NTRK1: variants seen among roughly 807,000 people sequenced by gnomAD.
The protein encoded by NTRK1 is high affinity nerve growth factor receptor.
NTRK1 carries 62 observed loss-of-function variants against 86.8 expected under a neutral mutation model. That is an observed-to-expected ratio of 0.71 (90% CI 0.58 to 0.88). The LOEUF (loss-of-function observed/expected upper bound fraction) is 0.88. NTRK1 is among the 40% of genes least tolerant of loss of function. The pLI is 0.00. For synonymous variants in NTRK1, 469 were observed against 456.6 expected (o/e 1.03, Z -0.35); for missense variants, 967 against 1,078.4 (o/e 0.90, Z 1.45).
At chr1:156,876,288 G>T (rs1647900566) in intron 13 of NTRK1, 78 bp downstream of exon 13, 3 of 1,611,060 alleles carry the variant, frequency 1.9e-6, no homozygotes, top group Non-Finnish European at 1.7e-6. Flanking sequence ...CAGAGTGGGG[G>T]GAGATGCAGA....
intron 2 of NTRK1, chr1:156,849,480 C>T (rs1229143147): frequency 1.2e-5 from 7 of 607,012 alleles, no homozygotes; most frequent in African/African-American, 2.4e-5. Flanking sequence ...GCCAGGGGAC[C>T]TTGCTCTGCG....
upstream of NTRK1, among the ~76,000 whole-genome samples, chr1:156,859,871 G>A (rs2102877073): frequency 6.6e-6 from 1 of 152,218 alleles, no homozygotes; most frequent in East Asian, 2.0e-4. The surrounding 1 kb of genome is among the most constrained non-coding windows in gnomAD (Gnocchi z 6.2). Context: ...GCTTGAGACG[G>A]ATGGGTTAGT....
At chr1:156,834,186 G>T (rs1654538726) in intron 1 of NTRK1, among the ~76,000 whole-genome samples, 1 of 152,180 alleles carries the variant, frequency 6.6e-6, no homozygotes, top group Non-Finnish European at 1.5e-5. Flanking sequence ...ATCAGAAAGG[G>T]CATCACGGGG....
chr1:156,867,299 A>G (rs1655983772), intron 4 of NTRK1, among the ~76,000 whole-genome samples: 1 of 152,170 alleles, frequency 6.6e-6, no homozygotes, highest in Admixed American at 6.5e-5. Context: ...GTGGGGCAGC[A>G]GGGGTCCATG....
At chr1:156,841,181 G>T in intron 1 of NTRK1, 1 of 1,177,822 alleles carries the variant, frequency 8.5e-7, no homozygotes, top group Non-Finnish European at 1.2e-6. Flanking sequence ...CTGAGGGTCA[G>T]TTGGTGGGAG....
At chr1:156,872,795 C>T (rs1255114874) in intron 7 of NTRK1, among the ~76,000 whole-genome samples, 2 of 151,728 alleles carry the variant, frequency 1.3e-5, no homozygotes, top group African/African-American at 4.8e-5. Flanking sequence ...CCTGCTTCAG[C>T]CTCCTGAGTA....
upstream of NTRK1, among the ~76,000 whole-genome samples, chr1:156,860,290 G>C (rs1655572067): frequency 1.3e-5 from 2 of 152,352 alleles, no homozygotes; most frequent in East Asian, 1.9e-4. Context: ...TGGAGGCGCG[G>C]TCTTGGCTCT....
At chr1:156,874,546 C>T (rs2102909769) in intron 9 of NTRK1, 25 bp from the exon 10 acceptor site, 1 of 1,613,426 alleles carries the variant, frequency 6.2e-7, no homozygotes. Context: ...TCAAGGCTCA[C>T]CCCTCCTGCC....
upstream of NTRK1, among the ~76,000 whole-genome samples, chr1:156,859,796 C>T (rs1043865441): frequency 2.0e-5 from 3 of 152,160 alleles, no homozygotes; most frequent in Non-Finnish European, 4.4e-5. The surrounding 1 kb of genome is among the most constrained non-coding windows in gnomAD (Gnocchi z 6.2). Flanking sequence ...TCGTCCTTCC[C>T]CCGCTCCCTG....
At position 156,880,320 on chromosome 1, in the gene NTRK1, T is replaced by G. The variant is rs2274500; in HGVS notation, c.2205+163T>G. 612,829 of 710,822 alleles carry G rather than the reference T, an allele frequency of 0.86. 270,536 individuals carry two copies. Among genetic ancestry groups the G allele is most frequent in the Non-Finnish European group, 0.93 (398,681 of 427,058 alleles). The allele number at this position is 710,822 out of a possible 1,614,324, so 44.0% of individuals were successfully genotyped here. ...ACTGTGTCCCCTCCACTGTGGCCCT[T>G]TTCTTCTCTTCCTCCCTTATTCTTG... On this transcript the variant is annotated intron_variant, in intron 16 of 16. Transcript: ENST00000524377.
At position 156,875,558 on chromosome 1, in the gene NTRK1, T is replaced by A. The variant is rs1291271254; in HGVS notation, c.1393T>A (p.Ser465Thr). The change falls in exon 12 of 17, where the codon TCC becomes ACC. Residue 465 changes from serine (S) to threonine (T), a missense_variant. Transcript: ENST00000524377. Reference protein sequence around the residue: ...VLAPEDGLAMSLHFMTLGGSS... With the variant: ...VLAPEDGLAMTLHFMTLGGSS... Reference sequence around the variant, plus strand: ...GGCTCCAGAGGATGGGCTGGCCATGTCCCTGCATTTCATGACATTGGGTGG... The same window carrying A: ...GGCTCCAGAGGATGGGCTGGCCATGACCCTGCATTTCATGACATTGGGTGG... 1 of 1,613,904 alleles carries A rather than the reference T, an allele frequency of 6.2e-7. No homozygotes were observed. Among genetic ancestry groups the A allele is most frequent in the East Asian group, 2.2e-5 (1 of 44,866 alleles).
At chr1:156,841,119 G>A (rs1469122574) in intron 1 of NTRK1, 27 of 1,549,688 alleles carry the variant, frequency 1.7e-5, no homozygotes, top group East Asian at 9.7e-5. Flanking sequence ...TGGGTGTGGG[G>A]AGCAGGGTCA....
At chr1:156,863,295 G>C (rs543630328) in intron 1 of NTRK1, among the ~76,000 whole-genome samples, 1 of 152,188 alleles carries the variant, frequency 6.6e-6, no homozygotes, top group Admixed American at 6.5e-5. Flanking sequence ...CTTCTTGCCT[G>C]TCACTATCTC....
At chr1:156,846,366 G>T (rs1655008360) in intron 2 of NTRK1, among the ~76,000 whole-genome samples, 1 of 152,140 alleles carries the variant, frequency 6.6e-6, no homozygotes, top group Admixed American at 6.5e-5. Context: ...CTAGGCAAAT[G>T]CTCCCCCTTC....
At chr1:156,855,657 TA>T (rs887944705) in intron 2 of NTRK1, among the ~76,000 whole-genome samples, 16 of 151,620 alleles carry the variant, frequency 1.1e-4, no homozygotes, top group African/African-American at 3.9e-4. Context: ...ACCCCACCTC[TA>T]AAAAAAATAT....
At chr1:156,829,440 G>A (rs1654407211) in intron 1 of NTRK1, among the ~76,000 whole-genome samples, 1 of 152,150 alleles carries the variant, frequency 6.6e-6, no homozygotes, top group Admixed American at 6.5e-5. Flanking sequence ...TGTCTGCACA[G>A]GTCCCTCCAG....
At chr1:156,846,652 C>T in intron 2 of NTRK1, 3 of 1,614,204 alleles carry the variant, frequency 1.9e-6, no homozygotes, top group Non-Finnish European at 2.5e-6. Flanking sequence ...CTAGGGTCAC[C>T]CCTGGCTCCT....
At position 156,854,463 on chromosome 1, in the gene NTRK1, G is replaced by A. The variant is rs879391337; in HGVS notation, c.51-9891G>A. ...GTGGCCTCCTTCCTGGGCCCCGGAGGGCTCACCTGCAGCCTGCAGGGTCTC... is the reference window on the plus strand; with the variant it reads ...GTGGCCTCCTTCCTGGGCCCCGGAGAGCTCACCTGCAGCCTGCAGGGTCTC... On this transcript the variant is annotated intron_variant, in intron 2 of 16. Transcript: ENST00000392302. The surrounding 1 kb of genome is among the most constrained non-coding windows in gnomAD (Gnocchi z 4.2). 5.9e-5 allele frequency among the ~76,000 whole-genome samples: 9 copies of A among 152,120 alleles called. No individual in the cohort carries two copies. Among genetic ancestry groups the A allele is most frequent in the Admixed American group, 5.9e-4 (9 of 15,282 alleles).
chr1:156,844,051 G>A, intron 2 of NTRK1: 2 of 693,440 alleles, frequency 2.9e-6, no homozygotes, highest in Admixed American at 5.1e-5. Context: ...GCCACCGCAG[G>A]GGAAGAGTTA....
Sources: allele counts gnomAD v4.1 joint callset (sites outside exome capture counted in the v4.1 genomes callset), GRCh38; gene constraint gnomAD v4.1.1; non-coding constraint Gnocchi (gnomAD v3.1); transcripts MANE v1.5; gene names NCBI Gene and HGNC (gene_info 2026-07-23, HGNC 2026-07-21).